The following RASAL3 variants were observed in gnomAD, a reference collection of about 807,000 sequenced individuals.
RASAL3 encodes RAS protein activator like-3.
In RASAL3, 74 loss-of-function variants were observed where a neutral mutation model predicts 105.5. The ratio of observed to expected loss-of-function variants is 0.70; its 90% CI spans 0.58 to 0.85. The LOEUF (loss-of-function observed/expected upper bound fraction) is 0.85. RASAL3 is among the 40% of genes least tolerant of loss of function. The probability of loss-of-function intolerance (pLI) is 0.00; values close to 1 mark genes in which losing one functional copy is unlikely to be tolerated. For synonymous variants in RASAL3, 579 were observed against 591.6 expected (o/e 0.98, Z 0.31); for missense variants, 1,352 against 1,392.0 (o/e 0.97, Z 0.46).
chr19:15,464,002 C>T lies in RASAL3; in HGVS notation c.328+29G>A, dbSNP rs368872876. The T allele has an allele frequency of 2.4e-4, 360 of 1,514,910 alleles. 1 individual carries two copies. The highest frequency in any genetic ancestry group is 9.1e-4 in the Admixed American group (41 of 44,938). The allele number at this position is 1,514,910 out of a possible 1,614,324, so 93.8% of individuals were successfully genotyped here. ...CCAAGCATCCGGCTTCCCAGCCCGG[C>T]CCAAGCTCAGGGTGGGGGAACCATG... is the stretch of plus-strand genomic sequence containing the variant. On this transcript the variant is annotated intron_variant, in intron 2 of 17. Coordinates refer to ENST00000343625, the MANE Select transcript of RASAL3 (RefSeq NM_022904.3).
rs202135848 is a variant in RASAL3 at position 15,464,139 on chromosome 19, G to A, written c.220C>T (p.Pro74Ser). 443 of 1,613,502 alleles carry A rather than the reference G, an allele frequency of 2.7e-4. No individual in the cohort carries two copies. Among genetic ancestry groups the A allele is most frequent in the Non-Finnish European group, 1.9e-4 (224 of 1,179,836 alleles). The change falls in exon 2 of 18, where the codon CCT (proline) becomes TCT (serine). Residue 74 changes from proline (P) to serine (S), a missense_variant. By Grantham distance (74) the Pro-to-Ser change is moderately conservative (BLOSUM62 -1). Coordinates refer to ENST00000343625, the MANE Select transcript of RASAL3 (RefSeq NM_022904.3). The stretch of plus-strand genomic sequence containing the variant: ...CGACTGGTCCGTGACTCCTTGGGAG[G>A]CGCAGATAGGACCCGACGGAATATC... ...RSIFRRVLSA[P>S]PKESRTSRLR...
chr19:15,456,135 C>T lies in RASAL3; in HGVS notation c.1690G>A (p.Glu564Lys), dbSNP rs1377818782. Residue 564 changes from glutamate (E) to lysine (K), a missense_variant, in exon 11 of 18, where the codon GAG (glutamate) becomes AAG (lysine). Coordinates refer to ENST00000343625, the MANE Select transcript of RASAL3 (RefSeq NM_022904.3). The surrounding 1 kb of genome is among the most constrained non-coding windows in gnomAD (Gnocchi z 4.4). ...GAATGGATAATGGTTTCGAAGACCT[C>T]CTCGCAGCTGTTCCGAAGTCTGGCC... ...HQARLRNSCE[E>K]VFETIIHSYD... 5 of 1,613,740 alleles carry T rather than the reference C, an allele frequency of 3.1e-6. No individual in the cohort carries two copies. In the African/African-American group the frequency reaches 4.0e-5, roughly 13 times the overall value.
At chr19:15,461,442 C>T in intron 3 of RASAL3, 29 bp downstream of exon 3, 1 of 1,542,822 alleles carries the variant, frequency 6.5e-7, no homozygotes, top group Non-Finnish European at 8.8e-7. Flanking sequence ...TTTCTTCCCT[C>T]CTCCCCTTTC....
Position 15,453,002 on chromosome 19 carries a change from G to A in RASAL3, c.2670+105C>T. On this transcript the variant is annotated intron_variant, in intron 15 of 17. Coordinates refer to ENST00000343625, the MANE Select transcript of RASAL3 (RefSeq NM_022904.3). The surrounding 1 kb of genome is among the most constrained non-coding windows in gnomAD (Gnocchi z 4.2). ...GTCGGGCTAGGCCTGGGGTCACACAGCACAGCGAGCTGGGTACTTGAACCC... is the reference window on the plus strand; with the variant it reads ...GTCGGGCTAGGCCTGGGGTCACACAACACAGCGAGCTGGGTACTTGAACCC... 6.5e-7 allele frequency: 1 copy of A among 1,532,240 alleles called. No homozygotes were observed. Among genetic ancestry groups the A allele is most frequent in the Non-Finnish European group, 8.8e-7 (1 of 1,132,934 alleles). The allele number at this position is 1,532,240 out of a possible 1,614,324, so 94.9% of individuals were successfully genotyped here.
At position 15,457,426 on chromosome 19, in the gene RASAL3, T is replaced by C; in HGVS notation, c.1297A>G (p.Lys433Glu). The C allele has an allele frequency of 6.9e-7, 1 of 1,439,450 alleles. No individual in the cohort carries two copies. The highest frequency in any genetic ancestry group is 2.6e-5 in the Admixed American group (1 of 38,592). 89.2% of individuals were successfully genotyped at this position (1,439,450 alleles called of 1,614,324 possible). The change falls in exon 9 of 18, where the codon AAG becomes GAG. Residue 433 changes from lysine to glutamate, a missense_variant. By Grantham distance (56) the Lys-to-Glu change is moderately conservative. Coordinates refer to ENST00000343625, the MANE Select transcript of RASAL3 (RefSeq NM_022904.3). The surrounding 1 kb of genome is among the most constrained non-coding windows in gnomAD (Gnocchi z 8.6). ...RLRVLPSERY[K>E]ELAEFLTFHY... is the part of the protein sequence containing the mutation. ...AAGGTGAGGAACTCCGCCAGCTCCT[T>C]GTAGCGCTCGGACGGCAGCACGCGC...
intron 16 of RASAL3, 73 bp downstream of exon 16, chr19:15,452,585 G>T (rs1475879961): frequency 8.2e-7 from 1 of 1,212,160 alleles, no homozygotes; most frequent in Non-Finnish European, 1.1e-6. Flanking sequence ...TGGGGGGGGG[G>T]GGGAGGGCCT....
rs369912373 is a variant in RASAL3 at position 15,463,996 on chromosome 19, G to A, written c.328+35C>T. On this transcript the variant is annotated intron_variant, in intron 2 of 17. Transcript: ENST00000343625. ...CAAAACCCAAGCATCCGGCTTCCCA[G>A]CCCGGCCCAAGCTCAGGGTGGGGGA... is the stretch of plus-strand genomic sequence containing the variant. 3.4e-5 allele frequency: 52 copies of A among 1,507,522 alleles called. No individual in the cohort carries two copies. In the East Asian group the frequency reaches 7.5e-4, roughly 22 times the overall value. 93.4% of individuals were successfully genotyped at this position (1,507,522 alleles called of 1,614,324 possible). A position where few individuals can be genotyped will look rare whatever the true frequency, so the allele number is the denominator to read the frequency against.
chr19:15,460,453 T>C (rs1055134605), intron 5 of RASAL3, among the ~76,000 whole-genome samples, 195 bp from the exon 6 acceptor site: 4 of 152,226 alleles, frequency 2.6e-5, no homozygotes, highest in Admixed American at 6.5e-5. Flanking sequence ...GGTCTCGTGC[T>C]GTCGCCCAGG....
At position 15,457,684 on chromosome 19, in the gene RASAL3, C is replaced by G. The variant is rs1270468737; in HGVS notation, c.1039G>C (p.Gly347Arg). Reference sequence around the variant, plus strand: ...AAGCGCTCGGCCCAGAAGAGCTGGCCTGGGCCGGCCCGAGGCGCCGTGCGT... The same window carrying G: ...AAGCGCTCGGCCCAGAAGAGCTGGCGTGGGCCGGCCCGAGGCGCCGTGCGT... ...LARTAPRAGP[G>R]QLFWAERFHF... The change falls in exon 9 of 18, where the codon GGC (glycine) becomes CGC (arginine). Residue 347 changes from glycine (G) to arginine (R), a missense_variant. Coordinates refer to ENST00000343625, the MANE Select transcript of RASAL3 (RefSeq NM_022904.3). This position sits in a 1 kb window ranked among gnomAD's most constrained non-coding sequence, Gnocchi z 8.6. 3 of 1,451,602 alleles carry G rather than the reference C, an allele frequency of 2.1e-6. No homozygotes were observed. 89.9% of individuals were successfully genotyped at this position (1,451,602 alleles called of 1,614,324 possible). A position where few individuals can be genotyped will look rare whatever the true frequency, so the allele number is the denominator to read the frequency against.
chr19:15,457,482 G>A lies in RASAL3; in HGVS notation c.1241C>T (p.Ala414Val), dbSNP rs1022457113. The A allele has an allele frequency of 5.6e-6, 7 of 1,239,978 alleles. No individual in the cohort carries two copies. The highest frequency in any genetic ancestry group is 1.6e-5 in the African/African-American group (1 of 61,110). 76.8% of individuals were successfully genotyped at this position (1,239,978 alleles called of 1,614,324 possible). Residue 414 changes from alanine (A) to valine (V), a missense_variant, in exon 9 of 18, where the codon GCG (alanine) becomes GTG (valine). This residue lies in a region of RASAL3 where 920 missense variants were observed against 919.6 expected (regional missense o/e 1.00). Transcript: ENST00000343625. This position sits in a 1 kb window ranked among gnomAD's most constrained non-coding sequence, Gnocchi z 8.6. ...FPLLGAPAGAALRARIRARRL... is the reference protein window; with the variant it reads ...FPLLGAPAGAVLRARIRARRL... ...ACGCGCCCGAATCCGCGCCCGCAGC[G>A]CTGCGCCCGCCGGCGCCCCGAGCAG... is the stretch of plus-strand genomic sequence containing the variant.
chr19:15,460,082 T>C, intron 6 of RASAL3, 121 bp downstream of exon 6: 1 of 797,522 alleles, frequency 1.3e-6, no homozygotes, highest in Non-Finnish European at 2.0e-6. Context: ...CATCAACTGA[T>C]GTGGGGCAGA....
rs375324524 is a variant in RASAL3 at position 15,451,933 on chromosome 19, G to A, written c.2898C>T (p.His966=). ...NEGHSLKNLE[H]RLNEMERTQA... ...GAGTTCTCTCCATCTCATTTAGGCGGTGCTCCTGGGGAGGCAGTGGTGATG... is the reference window on the plus strand; with the variant it reads ...GAGTTCTCTCCATCTCATTTAGGCGATGCTCCTGGGGAGGCAGTGGTGATG... The change falls in exon 18 of 18, where the codon CAC becomes CAT. Residue 966 remains histidine (H), a synonymous_variant. Transcript: ENST00000343625. The A allele has an allele frequency of 1.2e-6, 2 of 1,610,174 alleles. No homozygotes were observed.
In RASAL3 at chr19:15,453,200, C is replaced by G; in HGVS notation, c.2577G>C (p.Ser859=). ...RARPWTRDSA[S]LPRKPSVPWQ... is the part of the protein sequence containing the mutation. Reference sequence around the variant, plus strand: ...AGGGTACCGACGGCTTCCGAGGCAGCGAGGCGGAGTCCCGGGTCCAAGGCC... The same window carrying G: ...AGGGTACCGACGGCTTCCGAGGCAGGGAGGCGGAGTCCCGGGTCCAAGGCC... The change falls in exon 15 of 18, where the codon TCG becomes TCC. Residue 859 remains serine (S), a synonymous_variant. Coordinates refer to ENST00000343625, the MANE Select transcript of RASAL3 (RefSeq NM_022904.3). The surrounding 1 kb of genome is among the most constrained non-coding windows in gnomAD (Gnocchi z 4.2). The G allele has an allele frequency of 5.0e-6, 8 of 1,610,628 alleles. No homozygotes were observed. The highest frequency in any genetic ancestry group is 5.1e-6 in the Non-Finnish European group (6 of 1,178,768).
Position 15,454,868 on chromosome 19 carries a change from C to T in RASAL3, c.1747G>A (p.Val583Met), listed in dbSNP as rs1459660017. 3.2e-5 allele frequency: 50 copies of T among 1,566,602 alleles called. 1 individual carries two copies. In the East Asian group the frequency reaches 7.8e-4, roughly 25 times the overall value. Reference protein sequence around the residue: ...YDWFPAELGIVFSSWREACKE... With the variant: ...YDWFPAELGIMFSSWREACKE... ...CATGCTTCTCGCCAGCTTGAGAACACGATGCCCAGCTCCGCAGGGAACCAG... is the reference window on the plus strand; with the variant it reads ...CATGCTTCTCGCCAGCTTGAGAACATGATGCCCAGCTCCGCAGGGAACCAG... The change falls in exon 12 of 18, where the codon GTG becomes ATG. Residue 583 changes from valine (V) to methionine (M), a missense_variant. Coordinates refer to ENST00000343625, the MANE Select transcript of RASAL3 (RefSeq NM_022904.3).
At position 15,464,153 on chromosome 19, in the gene RASAL3, C is replaced by G. The variant is rs867394339; in HGVS notation, c.206G>C (p.Arg69Pro). Reference sequence around the variant, plus strand: ...CTCCTTGGGAGGCGCAGATAGGACCCGACGGAATATCGAGCGAGGGGCTGG... The same window carrying G: ...CTCCTTGGGAGGCGCAGATAGGACCGGACGGAATATCGAGCGAGGGGCTGG... ...TQPAPRSIFR[R>P]VLSAPPKESR... Residue 69 changes from arginine to proline, a missense_variant, in exon 2 of 18, where the codon CGG becomes CCG. This residue lies in a region of RASAL3 where 344 missense variants were observed against 339.6 expected (regional missense o/e 1.01). Coordinates refer to ENST00000343625, the MANE Select transcript of RASAL3 (RefSeq NM_022904.3). 2 of 1,613,476 alleles carry G rather than the reference C, an allele frequency of 1.2e-6. No homozygotes were observed. The highest frequency in any genetic ancestry group is 2.2e-5 in the South Asian group (2 of 91,040).
intron 11 of RASAL3, 70 bp from the exon 12 acceptor site, chr19:15,454,963 G>T: frequency 8.3e-7 from 1 of 1,199,414 alleles, no homozygotes; most frequent in Non-Finnish European, 1.2e-6. Flanking sequence ...TCATAAGGTT[G>T]GGAGTCCCAG....
intron 2 of RASAL3, among the ~76,000 whole-genome samples, chr19:15,463,370 G>A (rs1019434518): frequency 1.6e-4 from 25 of 152,232 alleles, no homozygotes; most frequent in African/African-American, 5.5e-4. Flanking sequence ...TGGGATTACA[G>A]GTGTGAGCCA....
intron 7 of RASAL3, 31 bp downstream of exon 7, chr19:15,458,498 G>A (rs781511916): frequency 6.2e-7 from 1 of 1,613,728 alleles, no homozygotes; most frequent in Non-Finnish European, 8.5e-7. Context: ...GTGGGACTGA[G>A]GTGGAATCGA....
intron 6 of RASAL3, 90 bp downstream of exon 6, chr19:15,460,113 G>A: frequency 2.7e-6 from 3 of 1,103,746 alleles, no homozygotes; most frequent in Non-Finnish European, 4.0e-6. Flanking sequence ...CACAGGGGGT[G>A]TTTGGTGTAG....
Sources: allele counts gnomAD v4.1 joint callset (sites outside exome capture counted in the v4.1 genomes callset), GRCh38; gene constraint gnomAD v4.1.1; regional missense constraint gnomAD v4.1.1; non-coding constraint Gnocchi (gnomAD v3.1); transcripts MANE v1.5; gene names NCBI Gene and HGNC (gene_info 2026-07-23, HGNC 2026-07-21).